The following ADAM32 variants were observed in gnomAD, a reference collection of about 807,000 sequenced individuals.
ADAM32 encodes the protein disintegrin and metalloproteinase domain-containing protein 32.
ADAM32 carries 89 observed loss-of-function variants against 114.9 expected under a neutral mutation model. The observed-to-expected ratio is 0.77, with a 90% confidence interval of 0.65 to 0.92. The LOEUF (loss-of-function observed/expected upper bound fraction) is 0.92. Ranked by LOEUF, ADAM32 falls within the 40% of genes least tolerant of loss-of-function variation. The pLI, the probability that ADAM32 is intolerant of heterozygous loss-of-function variation, is 0.00. For missense variants in ADAM32, 870 were observed against 932.8 expected (o/e 0.93, Z 0.88); for synonymous variants, 285 against 307.5 (o/e 0.93, Z 0.77).
At chr8:39,191,083 C>CTCAT (rs1806573067) in intron 11 of ADAM32, among the ~76,000 whole-genome samples, 1 of 152,180 alleles carries the variant, frequency 6.6e-6, no homozygotes, top group Non-Finnish European at 1.5e-5. Context: ...AAAACATGAT[C>CTCAT]TCATTCTTTT....
At chr8:39,178,774 C>T (rs1338228692) in intron 10 of ADAM32, among the ~76,000 whole-genome samples, 1 of 152,016 alleles carries the variant, frequency 6.6e-6, no homozygotes, top group Non-Finnish European at 1.5e-5. Context: ...AACAGTCAGG[C>T]CACTCTTTCA....
chr8:39,253,271 G>T (rs780279289), intron 17 of ADAM32, among the ~76,000 whole-genome samples: 3 of 151,440 alleles, frequency 2.0e-5, no homozygotes, highest in African/African-American at 4.8e-5. Context: ...AACTCAATAC[G>T]TTAGGAATAG....
chr8:39,190,889 G>A (rs973261137), intron 11 of ADAM32, among the ~76,000 whole-genome samples: 1 of 152,114 alleles, frequency 6.6e-6, no homozygotes, highest in African/African-American at 2.4e-5. Context: ...GTACCCAATA[G>A]TTTTTTTCTG....
At chr8:39,188,119 C>T (rs1368152844) in intron 11 of ADAM32, among the ~76,000 whole-genome samples, 2 of 151,994 alleles carry the variant, frequency 1.3e-5, no homozygotes, top group East Asian at 3.8e-4. Flanking sequence ...TCCTAAGCAC[C>T]TTTTAAGGGT....
intron 2 of ADAM32, 110 bp downstream of exon 2, chr8:39,118,275 A>G (rs547276601): frequency 2.8e-4 from 155 of 559,380 alleles, no homozygotes; most frequent in East Asian, 1.2e-3. Context: ...TGTCTCTTGT[A>G]TTTCTACTGA....
intron 14 of ADAM32, among the ~76,000 whole-genome samples, chr8:39,229,930 G>A (rs540408435): frequency 3.9e-5 from 6 of 152,136 alleles, no homozygotes; most frequent in Non-Finnish European, 8.8e-5. Flanking sequence ...CTCCAGGATA[G>A]ACCCAAAGAT....
At chr8:39,179,900 C>T (rs966889870) in intron 10 of ADAM32, among the ~76,000 whole-genome samples, 10 of 152,210 alleles carry the variant, frequency 6.6e-5, no homozygotes, top group South Asian at 2.1e-4. Context: ...TGGTCCTACC[C>T]GCTTCAATGA....
At chr8:39,205,598 G>A (rs371185190) in intron 11 of ADAM32, among the ~76,000 whole-genome samples, 25 of 152,262 alleles carry the variant, frequency 1.6e-4, no homozygotes, top group East Asian at 7.7e-4. Flanking sequence ...GCCCTGCTTC[G>A]CCTCACACTT....
intron 17 of ADAM32, 75 bp from the exon 18 acceptor site, chr8:39,254,339 A>T: frequency 1.6e-6 from 2 of 1,263,218 alleles, no homozygotes; most frequent in Non-Finnish European, 2.2e-6. Flanking sequence ...ATTATGGTAC[A>T]AAAGTAAGCT....
At chr8:39,123,022 T>C (rs892920081) in intron 2 of ADAM32, among the ~76,000 whole-genome samples, 43 of 152,232 alleles carry the variant, frequency 2.8e-4, no homozygotes, top group Non-Finnish European at 2.9e-5. Context: ...TTGAGTAAAC[T>C]TTTGTATATG....
chr8:39,268,691 C>T (rs1015893440), intron 19 of ADAM32, among the ~76,000 whole-genome samples: 1 of 152,096 alleles, frequency 6.6e-6, no homozygotes, highest in Admixed American at 6.5e-5. Context: ...CAGATTTTCT[C>T]CTATGATTTC....
At chr8:39,280,181 G>A (rs1274217043) in intron 22 of ADAM32, among the ~76,000 whole-genome samples, 1 of 152,182 alleles carries the variant, frequency 6.6e-6, no homozygotes, top group Non-Finnish European at 1.5e-5. Flanking sequence ...AAAGATCCAT[G>A]CCCTCAACTC....
chr8:39,107,629 A>G (rs1839977193), upstream of ADAM32: 3 of 1,476,366 alleles, frequency 2.0e-6, no homozygotes, highest in Non-Finnish European at 8.9e-7. Flanking sequence ...CGGACGCTAA[A>G]CACCGAGAGC....
chr8:39,136,372 G>T (rs1047061806), intron 2 of ADAM32, among the ~76,000 whole-genome samples: 1 of 152,152 alleles, frequency 6.6e-6, no homozygotes, highest in East Asian at 1.9e-4. Flanking sequence ...AGTGTAGCAC[G>T]TGACCTATTC....
At chr8:39,283,855 C>A (rs1282279429) in intron 24 of ADAM32, among the ~76,000 whole-genome samples, 11 of 149,278 alleles carry the variant, frequency 7.4e-5, no homozygotes, top group Admixed American at 1.4e-4. Context: ...CTCACTGCAA[C>A]CTCAGCCTCC....
At chr8:39,158,098 G>A (rs867815512) in intron 6 of ADAM32, 16 of 228,614 alleles carry the variant, frequency 7.0e-5, no homozygotes, top group Middle Eastern at 1.9e-3. Flanking sequence ...CTGCCCAAAC[G>A]CTTGCTTCAC....
At chr8:39,228,275 T>C (rs1809522486) in intron 14 of ADAM32, among the ~76,000 whole-genome samples, 1 of 152,148 alleles carries the variant, frequency 6.6e-6, no homozygotes, top group South Asian at 2.1e-4. Context: ...CAAGGCTCTT[T>C]AACATCCCCC....
intron 19 of ADAM32, among the ~76,000 whole-genome samples, chr8:39,259,750 ATTG>A (rs1219657897): frequency 6.6e-6 from 1 of 152,202 alleles, no homozygotes; most frequent in Non-Finnish European, 1.5e-5. Flanking sequence ...TTTTCTAAAA[ATTG>A]TTTTGTTTTG....
chr8:39,150,509 T>A lies in ADAM32; in HGVS notation c.353+642T>A, dbSNP rs564905520. 2.0e-5 allele frequency among the ~76,000 whole-genome samples: 3 copies of A among 152,306 alleles called. No individual in the cohort carries two copies. The South Asian group carries it at 6.2e-4, about 32-fold the overall frequency. ...TATAAAAACAAATAATTTTTAATAC[T>A]CATAAAAATACTCATTTTTCTGATG... On this transcript the variant is annotated intron_variant, in intron 5 of 24. Coordinates refer to ENST00000379907, the MANE Select transcript of ADAM32 (RefSeq NM_145004.7).
Sources: gnomAD v4.1 joint callset for allele counts (sites outside exome capture counted in the v4.1 genomes callset) on GRCh38, gnomAD v4.1.1 for gene constraint, MANE v1.5 for transcripts, NCBI Gene and HGNC (gene_info 2026-07-23, HGNC 2026-07-21) for gene names.